Variants in PCNX4 observed in about 807,000 individuals in gnomAD.
PCNX4 encodes the protein pecanex-like protein 4.
In PCNX4, 103 loss-of-function variants were observed where a neutral mutation model predicts 107.2. That is an observed-to-expected ratio of 0.96 (90% CI 0.82 to 1.13). PCNX4 has a LOEUF of 1.13. Among genes scored for constraint, PCNX4 ranks in the 50% most tolerant of loss-of-function variants. PCNX4 has a pLI of 0.00. For synonymous variants in PCNX4, 541 were observed against 481.7 expected, an observed-to-expected ratio of 1.12 and a Z score of -1.61; for missense variants, 1,528 against 1,379.4, an observed-to-expected ratio of 1.11 and a Z score of -1.71.
At chr14:60,127,938 A>C (rs1896085247) in intron 10 of PCNX4, among the ~76,000 whole-genome samples, 1 of 152,216 alleles carries the variant, frequency 6.6e-6, no homozygotes, top group African/African-American at 2.4e-5. Flanking sequence ...TAGAAATTAT[A>C]AAAAAGAACC....
intron 10 of PCNX4, among the ~76,000 whole-genome samples, chr14:60,127,295 C>A (rs1418918930): frequency 6.6e-6 from 1 of 152,042 alleles, no homozygotes; most frequent in Non-Finnish European, 1.5e-5. Context: ...GGGATCAGAA[C>A]AAATCTCAAA....
Position 60,134,311 on chromosome 14 carries a change from C to T in PCNX4, c.*90C>T, listed in dbSNP as rs1896209678. The stretch of plus-strand genomic sequence containing the variant: ...TGTGATTCTTGTAACTTGAGGACTT[C>T]TCCACACCCCCATTCAGATGCCTGA... On this transcript the variant is annotated 3_prime_UTR_variant, in exon 11 of 11. Coordinates refer to ENST00000406854, the MANE Select transcript of PCNX4 (RefSeq NM_001330177.2). 3 of 1,456,052 alleles carry T rather than the reference C, an allele frequency of 2.1e-6. No homozygotes were observed. Among genetic ancestry groups the T allele is most frequent in the Non-Finnish European group, 1.9e-6 (2 of 1,064,344 alleles). The allele number at this position is 1,456,052 out of a possible 1,614,324, so 90.2% of individuals were successfully genotyped here.
intron 2 of PCNX4, among the ~76,000 whole-genome samples, chr14:60,111,782 A>C (rs1895745004): frequency 6.6e-6 from 1 of 152,190 alleles, no homozygotes; most frequent in African/African-American, 2.4e-5. Context: ...AAGATTTGAT[A>C]ATTACAAAGA....
At chr14:60,114,657 C>G in intron 2 of PCNX4, 43 bp from the exon 3 acceptor site, 13 of 1,521,886 alleles carry the variant, frequency 8.5e-6, no homozygotes, top group African/African-American at 2.8e-5. Context: ...AGATCCTCTT[C>G]TATATATTTC....
intron 1 of PCNX4, among the ~76,000 whole-genome samples, chr14:60,106,641 GT>G (rs1465504343): frequency 1.3e-5 from 2 of 152,144 alleles, no homozygotes; most frequent in Admixed American, 6.5e-5. Context: ...GTGATCTAAG[GT>G]ACTAATTCTT....
Position 60,139,883 on chromosome 14 carries a change from A to G in PCNX4, c.*5662A>G, listed in dbSNP as rs1896286937. Reference sequence around the variant, plus strand: ...ATTTGAACTGAGTAGTGAAAGTGCTACATGTCAAAACTTATGGTAGACGCC... The same window carrying G: ...ATTTGAACTGAGTAGTGAAAGTGCTGCATGTCAAAACTTATGGTAGACGCC... On this transcript the variant is annotated 3_prime_UTR_variant, in exon 11 of 11. Coordinates refer to ENST00000406854, the MANE Select transcript of PCNX4 (RefSeq NM_001330177.2). The G allele has an allele frequency of 6.6e-6, 1 of 152,128 alleles. No individual in the cohort carries two copies. The highest frequency in any genetic ancestry group is 6.5e-5 in the Admixed American group (1 of 15,274). 9.4% of individuals were successfully genotyped at this position (152,128 alleles called of 1,614,324 possible).
At position 60,114,785 on chromosome 14, in the gene PCNX4, G is replaced by A. The variant is rs182926644; in HGVS notation, c.775G>A (p.Gly259Arg). Residue 259 changes from glycine (G) to arginine (R), a missense_variant, in exon 3 of 11, where the codon GGG becomes AGG. Gly to Arg is a moderately radical substitution (Grantham distance 125). Coordinates refer to ENST00000406854, the MANE Select transcript of PCNX4 (RefSeq NM_001330177.2). ...FVFLPFLWAL[G>R]TLPPPDALLL... ...ATTTTTACCCTTTCTGTGGGCACTT[G>A]GGACTCTGCCCCCACCCGATGCACT... 3 of 1,613,648 alleles carry A rather than the reference G, an allele frequency of 1.9e-6. No individual in the cohort carries two copies. Among genetic ancestry groups the A allele is most frequent in the Non-Finnish European group, 2.5e-6 (3 of 1,179,850 alleles).
chr14:60,125,282 A>C (rs1394106228), intron 9 of PCNX4, 31 bp downstream of exon 9: 1 of 1,464,118 alleles, frequency 6.8e-7, no homozygotes, highest in Non-Finnish European at 9.0e-7. Context: ...GTAAGTTATA[A>C]CATTGTTGGA....
Position 60,101,220 on chromosome 14 carries a change from T to C in PCNX4, c.-53-6366T>C, listed in dbSNP as rs547603989. ...CAGACCAATGTGTTTCTTAAATGTA[T>C]TTGATGTCTTATGCCTCCCTAAAAT... On this transcript the variant is annotated intron_variant, in intron 1 of 10. Coordinates refer to ENST00000406854, the MANE Select transcript of PCNX4 (RefSeq NM_001330177.2). Among the ~76,000 whole-genome samples, 8 of 152,360 alleles carry C rather than the reference T, an allele frequency of 5.3e-5. No homozygotes were observed. The South Asian group carries it at 1.7e-3, about 32-fold the overall frequency.
intron 1 of PCNX4, among the ~76,000 whole-genome samples, chr14:60,097,540 A>G (rs1895448063): frequency 6.6e-6 from 1 of 152,238 alleles, no homozygotes; most frequent in East Asian, 1.9e-4. Context: ...GTTACTAACA[A>G]AAGATAATAT....
rs1211641175 is a variant in PCNX4, at chr14:60,134,459, T to G, written c.*238T>G. On this transcript the variant is annotated 3_prime_UTR_variant, in exon 11 of 11. Transcript: ENST00000406854. The stretch of plus-strand genomic sequence containing the variant: ...GCCAATATTTGTGCCCTCTGGACTT[T>G]AGTAGGCTTTGGTAAATGTGAGAAA... 2 of 439,242 alleles carry G rather than the reference T, an allele frequency of 4.6e-6. No individual in the cohort carries two copies. The highest frequency in any genetic ancestry group is 8.0e-6 in the Non-Finnish European group (2 of 250,566). The allele number at this position is 439,242 out of a possible 1,614,324, so 27.2% of individuals were successfully genotyped here.
chr14:60,130,053 T>G (rs1183529856), intron 10 of PCNX4, among the ~76,000 whole-genome samples: 1 of 151,970 alleles, frequency 6.6e-6, no homozygotes. Flanking sequence ...AGGCAGAGAT[T>G]ATCGGATTGG....
Position 60,121,306 on chromosome 14 carries a change from G to T in PCNX4, c.2046+7G>T, listed in dbSNP as rs1315150139. 1 of 1,605,708 alleles carries T rather than the reference G, an allele frequency of 6.2e-7. No homozygotes were observed. Among genetic ancestry groups the T allele is most frequent in the African/African-American group, 1.3e-5 (1 of 74,506 alleles). ...CTGCTCTATTAACATTAAGGTCAGT[G>T]TGCATATAAAACATCTGTAGTATTT... On this transcript the variant is annotated splice_region_variant and intron_variant, in intron 8 of 10. Transcript: ENST00000406854.
Position 60,139,435 on chromosome 14 carries a change from T to C in PCNX4, c.*5214T>C, listed in dbSNP as rs926171105. On this transcript the variant is annotated 3_prime_UTR_variant, in exon 11 of 11. Coordinates refer to ENST00000406854, the MANE Select transcript of PCNX4 (RefSeq NM_001330177.2). ...CAGAAAGTTTCAACAGGTCTAATAT[T>C]TTAATGATTTAACAATATAGCCTCA... 13 of 152,136 alleles carry C rather than the reference T, an allele frequency of 8.5e-5. No homozygotes were observed. The highest frequency in any genetic ancestry group is 3.1e-4 in the African/African-American group (13 of 41,448). The allele number at this position is 152,136 out of a possible 1,614,324, so 9.4% of individuals were successfully genotyped here. A position where few individuals can be genotyped will look rare whatever the true frequency, so the allele number is the denominator to read the frequency against.
At position 60,091,966 on chromosome 14, in the gene PCNX4, T is replaced by C. The variant is rs160239; in HGVS notation, c.-507T>C. On this transcript the variant is annotated 5_prime_UTR_variant, in exon 1 of 11. Transcript: ENST00000406854. ...AGGGAACGTTCAGGGCGTCTCGGCTTTCCCCGCTGCTGCTTCTGCTAGGCC... is the reference window on the plus strand; with the variant it reads ...AGGGAACGTTCAGGGCGTCTCGGCTCTCCCCGCTGCTGCTTCTGCTAGGCC... 0.74 allele frequency: 113,510 copies of C among 152,424 alleles called. 44,477 individuals are homozygous for C. Among genetic ancestry groups the C allele is most frequent in the Non-Finnish European group, 0.87 (59,178 of 68,158 alleles). The allele number at this position is 152,424 out of a possible 1,614,324, so 9.4% of individuals were successfully genotyped here. A position where few individuals can be genotyped will look rare whatever the true frequency, so the allele number is the denominator to read the frequency against.
At position 60,108,046 on chromosome 14, in the gene PCNX4, T is replaced by C. The variant is rs1216112057; in HGVS notation, c.408T>C (p.Tyr136=). The change falls in exon 2 of 11, where the codon TAT becomes TAC. Residue 136 remains tyrosine, a synonymous_variant. Coordinates refer to ENST00000406854, the MANE Select transcript of PCNX4 (RefSeq NM_001330177.2). ...TVKFLIPGKK[Y]VANTVFHSIL... ...AATTTCTCATTCCTGGCAAGAAATA[T>C]GTAGCCAATACAGTTTTTCATTCTA... 28 of 1,612,788 alleles carry C rather than the reference T, an allele frequency of 1.7e-5. 1 individual carries two copies. The highest frequency in any genetic ancestry group is 1.2e-4 in the Admixed American group (7 of 60,008).
Position 60,118,227 on chromosome 14 carries a change from TG to T in PCNX4, c.1579-98del, listed in dbSNP as rs1008242521. On this transcript the variant is annotated intron_variant, in intron 6 of 10. Coordinates refer to ENST00000406854, the MANE Select transcript of PCNX4 (RefSeq NM_001330177.2). ...ATAAGATTTATTTCTTCAAAAATAC[TG>T]GGGCAATAATAAAATTACTGTATAG... 7 of 1,315,450 alleles carry T rather than the reference TG, an allele frequency of 5.3e-6. No homozygotes were observed. In the African/African-American group the frequency reaches 1.0e-4, roughly 20 times the overall value. 81.5% of individuals were successfully genotyped at this position (1,315,450 alleles called of 1,614,324 possible). A position where few individuals can be genotyped will look rare whatever the true frequency, so the allele number is the denominator to read the frequency against.
intron 1 of PCNX4, among the ~76,000 whole-genome samples, chr14:60,103,829 C>G (rs1895578680): frequency 6.6e-6 from 1 of 152,190 alleles, no homozygotes; most frequent in South Asian, 2.1e-4. Context: ...ATATTTCTCC[C>G]TTAGGCTCAT....
intron 1 of PCNX4, among the ~76,000 whole-genome samples, chr14:60,104,318 CAAAAAAAAAAAAAAAA>C (rs200434027): frequency 0.8 from 105,576 of 131,990 alleles, 41,607 homozygotes; most frequent in Non-Finnish European, 0.87. Flanking sequence ...GACTCCATCT[CAAAAAAAAAAAAAAAA>C]AAAAAAAAAA....
Sources: gnomAD v4.1 joint callset for allele counts (sites outside exome capture counted in the v4.1 genomes callset) on GRCh38, gnomAD v4.1.1 for gene constraint, MANE v1.5 for transcripts, NCBI Gene and HGNC (gene_info 2026-07-23, HGNC 2026-07-21) for gene names.